Variants in SLC75A1 observed in about 807,000 individuals in gnomAD.
SLC75A1 encodes the protein solute carrier family 75 member 1, also known as major facilitator superfamily domain containing 10.
the SLC75A1 span, chr4:2,931,009 G>C: frequency 1.2e-6 from 2 of 1,611,826 alleles, no homozygotes; most frequent in South Asian, 2.2e-5. Context: ...CTTGGGAGGC[G>C]AGGGCAGGTG....
the SLC75A1 span, chr4:2,931,630 G>A: frequency 8.7e-6 from 14 of 1,613,706 alleles, no homozygotes; most frequent in Non-Finnish European, 1.1e-5. Context: ...CCATGGTGAG[G>A]CCGATGAGGA....
the SLC75A1 span, chr4:2,932,879 G>A: frequency 3.1e-6 from 4 of 1,310,900 alleles, no homozygotes; most frequent in Admixed American, 5.7e-5. Context: ...GCATCTGAGG[G>A]CCACTTGCGT....
the SLC75A1 span, chr4:2,931,531 C>G: frequency 8.1e-6 from 13 of 1,604,782 alleles, no homozygotes; most frequent in South Asian, 1.3e-4. Context: ...CTGCCTGCCA[C>G]CCGCTTTGGA....
At chr4:2,931,580 C>G in the SLC75A1 span, 1 of 1,613,086 alleles carries the variant, frequency 6.2e-7, no homozygotes, top group Admixed American at 1.7e-5. Flanking sequence ...AACTTCCCCG[C>G]CAGGGTGGAT....
chr4:2,930,990 G>T, the SLC75A1 span: 1 of 1,612,584 alleles, frequency 6.2e-7, no homozygotes, highest in Non-Finnish European at 8.5e-7. Flanking sequence ...GTCCCCGAGG[G>T]GGCTGGCACT....
At chr4:2,931,393 G>A in the SLC75A1 span, 3 of 1,550,542 alleles carry the variant, frequency 1.9e-6, no homozygotes, top group South Asian at 2.4e-5. Context: ...TAGAGCAGCA[G>A]CCCCAGGCCC....
chr4:2,931,815 G>A, the SLC75A1 span: 2 of 1,589,768 alleles, frequency 1.3e-6, no homozygotes, highest in East Asian at 4.5e-5. Flanking sequence ...GTCGCCAGAT[G>A]GGGACCCACC....
At chr4:2,932,334 C>T in the SLC75A1 span, 1 of 1,608,910 alleles carries the variant, frequency 6.2e-7, no homozygotes, top group African/African-American at 1.3e-5. Context: ...CCTGTGGGTC[C>T]CAGACCACAG....
the SLC75A1 span, chr4:2,931,905 G>A: frequency 1.9e-6 from 3 of 1,611,268 alleles, no homozygotes; most frequent in Non-Finnish European, 8.5e-7. Context: ...AGAGGAAGTA[G>A]ACTAGGCCCA....
the SLC75A1 span, chr4:2,931,695 GGGGCAGGGCCACCCA>G: frequency 7.5e-6 from 12 of 1,592,810 alleles, no homozygotes; most frequent in African/African-American, 2.7e-5. Flanking sequence ...CAGGGCACCC[GGGGCAGGGCCACCCA>G]GGGCAGGGCC....
the SLC75A1 span, among the ~76,000 whole-genome samples, chr4:2,933,365 A>G: frequency 6.6e-6 from 1 of 152,100 alleles, no homozygotes; most frequent in Non-Finnish European, 1.5e-5. Context: ...GCCCCAATGG[A>G]GAGATGAGGA....
the SLC75A1 span, chr4:2,934,253 A>C: frequency 3.1e-6 from 1 of 327,128 alleles, no homozygotes. Flanking sequence ...CGTAACAGCG[A>C]GAGAAAACTT....
At chr4:2,932,944 C>G in the SLC75A1 span, 1 of 1,038,222 alleles carries the variant, frequency 9.6e-7, no homozygotes, top group East Asian at 2.6e-5. Flanking sequence ...GGCTCTGGAA[C>G]AGGAGCCACT....
the SLC75A1 span, chr4:2,934,278 C>CCCAGAT: frequency 1.1e-5 from 3 of 284,980 alleles, no homozygotes; most frequent in African/African-American, 7.3e-5. Context: ...CCGCGGGGAA[C>CCCAGAT]CCGGATCCCG....
At chr4:2,932,928 A>G in the SLC75A1 span, 2 of 1,067,002 alleles carry the variant, frequency 1.9e-6, no homozygotes, top group Non-Finnish European at 2.6e-6. Flanking sequence ...AGCTCCTTGA[A>G]AGCCTGGCTC....
the SLC75A1 span, chr4:2,931,086 G>A: frequency 4.2e-5 from 67 of 1,597,774 alleles, no homozygotes; most frequent in Non-Finnish European, 4.9e-5. Flanking sequence ...GGGGCCCCGC[G>A]GCCCTGGCCA....
chr4:2,932,946 G>A, the SLC75A1 span: 1 of 1,022,854 alleles, frequency 9.8e-7, no homozygotes, highest in Admixed American at 2.9e-5. Flanking sequence ...CTCTGGAACA[G>A]GAGCCACTGG....
chr4:2,934,182 C>T, the SLC75A1 span: 2 of 546,172 alleles, frequency 3.7e-6, no homozygotes, highest in Non-Finnish European at 6.6e-6. Context: ...CCTGAGAGAC[C>T]AGGGTGAGCA....
At chr4:2,932,144 T>C in the SLC75A1 span, 3 of 1,606,336 alleles carry the variant, frequency 1.9e-6, no homozygotes, top group Admixed American at 3.4e-5. Flanking sequence ...CCCAGGGCGA[T>C]AGAGGGCGCC....
Sources: allele counts gnomAD v4.1 joint callset (sites outside exome capture counted in the v4.1 genomes callset), GRCh38; gene constraint gnomAD v4.1.1; transcripts MANE v1.5; gene names NCBI Gene and HGNC (gene_info 2026-07-23, HGNC 2026-07-21).